The following CDC37L1 variants were observed in gnomAD, a reference collection of about 807,000 sequenced individuals.
The protein encoded by CDC37L1 is cell division cycle 37 like 1, HSP90 cochaperone, also known as hsp90 co-chaperone Cdc37-like 1.
Under a neutral mutation model 45.9 loss-of-function variants are expected in CDC37L1, and 32 were observed. That is an observed-to-expected ratio of 0.70 (90% CI 0.53 to 0.94). The LOEUF (loss-of-function observed/expected upper bound fraction) is 0.94, where lower values mean the gene tolerates loss of function less well. Ranked by LOEUF, CDC37L1 falls within the 40% of genes least tolerant of loss-of-function variation. The pLI is 0.00. For synonymous variants in CDC37L1, 150 were observed against 133.0 expected, an observed-to-expected ratio of 1.13 and a Z score of -0.88; for missense variants, 434 against 405.7, an observed-to-expected ratio of 1.07 and a Z score of -0.60.
intron 1 of CDC37L1, among the ~76,000 whole-genome samples, chr9:4,684,081 C>A (rs1841223024): frequency 7.7e-6 from 1 of 130,266 alleles, no homozygotes; most frequent in Non-Finnish European, 1.7e-5. Context: ...GTCAAGAGAT[C>A]AAGACCATCT....
chr9:4,701,477 C>T (rs1841395383), intron 5 of CDC37L1, among the ~76,000 whole-genome samples: 1 of 152,096 alleles, frequency 6.6e-6, no homozygotes, highest in African/African-American at 2.4e-5. Context: ...TTAAGAATAT[C>T]CCTTGATTGT....
At chr9:4,692,910 C>A (rs993094436) in intron 3 of CDC37L1, among the ~76,000 whole-genome samples, 1 of 151,854 alleles carries the variant, frequency 6.6e-6, no homozygotes, top group Non-Finnish European at 1.5e-5. Flanking sequence ...TAACATGGAG[C>A]CTAGGAAACA....
chr9:4,679,675 C>A lies in CDC37L1; in HGVS notation c.-93C>A, dbSNP rs1841167037. On this transcript the variant is annotated 5_prime_UTR_variant, in exon 1 of 7. It adds an upstream start codon to the 5' untranslated region. Coordinates refer to ENST00000381854, the MANE Select transcript of CDC37L1 (RefSeq NM_017913.4). ...ACGGCCCGGACCCCCGGCTGGGCTT[C>A]TGGCTCGGCGCAGCAGGTTCCATTC... 3 of 1,233,178 alleles carry A rather than the reference C, an allele frequency of 2.4e-6. No individual in the cohort carries two copies. In the East Asian group the frequency reaches 8.1e-5, roughly 33 times the overall value. 76.4% of individuals were successfully genotyped at this position (1,233,178 alleles called of 1,614,324 possible).
At chr9:4,685,324 G>C in intron 2 of CDC37L1, 166 bp downstream of exon 2, 1 of 583,148 alleles carries the variant, frequency 1.7e-6, no homozygotes, top group Non-Finnish European at 3.0e-6. Flanking sequence ...AAGTCTCAAA[G>C]CTCTTGCTGT....
intron 5 of CDC37L1, among the ~76,000 whole-genome samples, chr9:4,700,121 A>G (rs1841383494): frequency 6.6e-6 from 1 of 152,168 alleles, no homozygotes; most frequent in Admixed American, 6.5e-5. Context: ...GCTTGACTTG[A>G]TATTTTAGCT....
intron 5 of CDC37L1, among the ~76,000 whole-genome samples, chr9:4,699,747 A>G (rs1046297303): frequency 2.6e-5 from 4 of 152,176 alleles, no homozygotes; most frequent in Non-Finnish European, 5.9e-5. Context: ...CTAGGATCCT[A>G]GTAATGATCC....
intron 6 of CDC37L1, among the ~76,000 whole-genome samples, chr9:4,705,763 G>A (rs1841435706): frequency 6.6e-6 from 1 of 152,072 alleles, no homozygotes; most frequent in Non-Finnish European, 1.5e-5. Flanking sequence ...GGTGGTATTT[G>A]TTAACATTTC....
intron 6 of CDC37L1, 39 bp from the exon 7 acceptor site, chr9:4,705,968 GCGTT>G: frequency 2.2e-6 from 2 of 913,886 alleles, no homozygotes; most frequent in South Asian, 1.3e-5. Context: ...TGGTTATAAT[GCGTT>G]CTTTTTCTCC....
In CDC37L1 at chr9:4,701,960, A is replaced by G. The variant is rs372436527; in HGVS notation, c.844A>G (p.Met282Val). The G allele has an allele frequency of 1.0e-5, 16 of 1,573,882 alleles. No individual in the cohort carries two copies. Among genetic ancestry groups the G allele is most frequent in the African/African-American group, 2.8e-5 (2 of 72,240 alleles). ...TTCTCAATCACAAAGTTTTCAACCT[A>G]TGACAGTTCAGAATCATGTTCCCCA... ...LYSQSQSFQP[M>V]TVQNHVPHSG... The change falls in exon 6 of 7, where the codon ATG (methionine) becomes GTG (valine). Residue 282 changes from methionine to valine, a missense_variant. Transcript: ENST00000381854.
At chr9:4,697,668 A>G in intron 4 of CDC37L1, 89 bp from the exon 5 acceptor site, 1 of 657,176 alleles carries the variant, frequency 1.5e-6, no homozygotes, top group South Asian at 2.0e-5. Context: ...AGTAAAATCA[A>G]AAGTATTTTA....
intron 1 of CDC37L1, among the ~76,000 whole-genome samples, chr9:4,680,312 A>T (rs906863968): frequency 5.9e-5 from 9 of 152,192 alleles, no homozygotes; most frequent in African/African-American, 2.2e-4. Flanking sequence ...GTTGCTAGGA[A>T]CAGTGAATGA....
intron 5 of CDC37L1, among the ~76,000 whole-genome samples, chr9:4,699,924 T>C (rs1306490107): frequency 6.6e-6 from 1 of 152,160 alleles, no homozygotes; most frequent in Non-Finnish European, 1.5e-5. Context: ...GGTGAAATTA[T>C]AAATAATTTC....
intron 6 of CDC37L1, among the ~76,000 whole-genome samples, chr9:4,702,697 A>T (rs899990375): frequency 6.6e-6 from 1 of 151,576 alleles, no homozygotes; most frequent in Non-Finnish European, 1.5e-5. Context: ...CTGGCTAACA[A>T]GGTGAAACCC....
chr9:4,695,165 T>C (rs1325695079), intron 3 of CDC37L1, among the ~76,000 whole-genome samples: 4 of 152,174 alleles, frequency 2.6e-5, no homozygotes, highest in Non-Finnish European at 5.9e-5. Context: ...TTGTGCTTTC[T>C]TTAAATCTGA....
At chr9:4,687,855 A>T (rs1355552217) in intron 2 of CDC37L1, among the ~76,000 whole-genome samples, 1 of 152,224 alleles carries the variant, frequency 6.6e-6, no homozygotes, top group East Asian at 1.9e-4. Context: ...ATAGGAATTA[A>T]ATAATGCACA....
intron 2 of CDC37L1, among the ~76,000 whole-genome samples, chr9:4,687,118 G>A (rs1344062999): frequency 6.6e-6 from 1 of 151,944 alleles, no homozygotes; most frequent in Non-Finnish European, 1.5e-5. Context: ...CTTTTATTTT[G>A]AAATATGTAA....
At chr9:4,700,720 T>C (rs1477129626) in intron 5 of CDC37L1, among the ~76,000 whole-genome samples, 1 of 152,232 alleles carries the variant, frequency 6.6e-6, no homozygotes, top group Non-Finnish European at 1.5e-5. Flanking sequence ...CTAAGCACTT[T>C]ACATGTATTA....
At chr9:4,705,035 A>G (rs1356120225) in intron 6 of CDC37L1, among the ~76,000 whole-genome samples, 1 of 152,136 alleles carries the variant, frequency 6.6e-6, no homozygotes, top group Non-Finnish European at 1.5e-5. Flanking sequence ...AACTCCAGCT[A>G]GCTTTTTGAC....
intron 3 of CDC37L1, among the ~76,000 whole-genome samples, chr9:4,695,977 G>C (rs1485335603): frequency 6.6e-6 from 1 of 152,172 alleles, no homozygotes; most frequent in Non-Finnish European, 1.5e-5. Flanking sequence ...GTAGAGACAG[G>C]GTTTTACCAT....
Sources: gnomAD v4.1 joint callset for allele counts (sites outside exome capture counted in the v4.1 genomes callset) on GRCh38, gnomAD v4.1.1 for gene constraint, MANE v1.5 for transcripts, NCBI Gene and HGNC (gene_info 2026-07-23, HGNC 2026-07-21) for gene names.